Variants in FUS observed in about 807,000 individuals in gnomAD.
FUS encodes the protein FUS RNA binding protein.
In FUS, 5 loss-of-function variants were observed where a neutral mutation model predicts 82.7. The ratio of observed to expected loss-of-function variants is 0.06; its 90% CI spans 0.03 to 0.13. The LOEUF (loss-of-function observed/expected upper bound fraction) is 0.13, where lower values mean the gene tolerates loss of function less well. FUS is among the 10% of genes least tolerant of loss of function. FUS has a pLI of 1.00. For synonymous variants in FUS, 281 were observed against 247.4 expected, an observed-to-expected ratio of 1.14 and a Z score of -1.27; for missense variants, 512 against 707.8, an observed-to-expected ratio of 0.72 and a Z score of 3.14.
At chr16:31,193,779 C>T (rs1438058463), downstream of FUS, 1 of 528,064 alleles carries the variant, frequency 1.9e-6, no homozygotes, top group South Asian at 1.5e-5. Context: ...ACTACAGGTG[C>T]TTCCTCGCTA....
intron 6 of FUS, 133 bp from the exon 7 acceptor site, chr16:31,186,669 G>A: frequency 1.3e-6 from 1 of 783,760 alleles, no homozygotes; most frequent in Non-Finnish European, 2.3e-6. Flanking sequence ...AGGAAGGGAT[G>A]TATTTTAGTA....
At chr16:31,194,236 G>A (rs1425162086), downstream of FUS, 2 of 531,460 alleles carry the variant, frequency 3.8e-6, no homozygotes, top group Non-Finnish European at 7.3e-6. Context: ...GCCCATGTGA[G>A]ACTTGACTCA....
At chr16:31,184,682 A>G (rs1349008756) in intron 5 of FUS, among the ~76,000 whole-genome samples, 1 of 151,600 alleles carries the variant, frequency 6.6e-6, no homozygotes, top group Non-Finnish European at 1.5e-5. Context: ...TGACCTTGTG[A>G]TCCGCCCGCC....
At position 31,188,318 on chromosome 16, in the gene FUS, A is replaced by C; in HGVS notation, c.800-7A>C. On this transcript the variant is annotated splice_region_variant and splice_polypyrimidine_tract_variant and intron_variant, in intron 7 of 14. Coordinates refer to ENST00000254108, the MANE Select transcript of FUS (RefSeq NM_004960.4). ...TTTTTTTGTTCTTTTTTTCCATGTC[A>C]CTAAAGGCCCTCGGGACCAAGGATC... is the stretch of plus-strand genomic sequence containing the variant. 6.2e-7 allele frequency: 1 copy of C among 1,607,534 alleles called. No homozygotes were observed. The highest frequency in any genetic ancestry group is 8.5e-7 in the Non-Finnish European group (1 of 1,178,506).
chr16:31,183,555 C>T, intron 3 of FUS: 1 of 422,902 alleles, frequency 2.4e-6, no homozygotes, highest in South Asian at 2.1e-5. Context: ...ATACTGCACG[C>T]ACAGCTGCAT....
intron 14 of FUS, 83 bp downstream of exon 14, chr16:31,191,193 C>T: frequency 1.9e-6 from 3 of 1,562,202 alleles, no homozygotes; most frequent in Non-Finnish European, 2.6e-6. Context: ...AAAGTGGTTT[C>T]ATTTTGAGGG....
Position 31,185,730 on chromosome 16 carries a change from C to A in FUS, c.764+551C>A, listed in dbSNP as rs1445907807. ...TGACTTGGTTTATGGGGCCAGCTGA[C>A]TGAAGTAAGCAGACCTTTTGGGCAA... On this transcript the variant is annotated intron_variant, in intron 6 of 14. Transcript: ENST00000254108. 1.1e-5 allele frequency: 4 copies of A among 363,082 alleles called. No individual in the cohort carries two copies. In the East Asian group the frequency reaches 2.0e-4, roughly 18 times the overall value. 22.5% of individuals were successfully genotyped at this position (363,082 alleles called of 1,614,324 possible). A position where few individuals can be genotyped will look rare whatever the true frequency, so the allele number is the denominator to read the frequency against.
At chr16:31,186,328 G>C (rs1003601910) in intron 6 of FUS, 1 of 308,586 alleles carries the variant, frequency 3.2e-6, no homozygotes, top group Non-Finnish European at 6.1e-6. Context: ...GTTGCCTTTG[G>C]TTTTGACTTT....
Position 31,190,105 on chromosome 16 carries a change from G to A in FUS, c.1132G>A (p.Gly378Ser), listed in dbSNP as rs1480304192. The A allele has an allele frequency of 6.2e-7, 1 of 1,614,032 alleles. No individual in the cohort carries two copies. The highest frequency in any genetic ancestry group is 1.3e-5 in the African/African-American group (1 of 74,924). ...FATRRADFNR[G>S]GGNGRGGRGR... Reference sequence around the variant, plus strand: ...TACTCGCCGGGCAGACTTTAATCGGGGTGGTGGCAATGGTCGTGGAGGCCG... The same window carrying A: ...TACTCGCCGGGCAGACTTTAATCGGAGTGGTGGCAATGGTCGTGGAGGCCG... Residue 378 changes from glycine (G) to serine (S), a missense_variant, in exon 11 of 15, where the codon GGT becomes AGT. This residue lies in a region of FUS where 63 missense variants were observed against 83.0 expected (regional missense o/e 0.76). Coordinates refer to ENST00000254108, the MANE Select transcript of FUS (RefSeq NM_004960.4).
rs1033887205 is a variant in FUS at position 31,190,610 on chromosome 16, GAAGC to G, written c.1293-127_1293-124del. On this transcript the variant is annotated intron_variant, in intron 12 of 14. Transcript: ENST00000254108. ...TACTGATTTTTGTTCCTGACTCTGA[GAAGC>G]AAGCCGTTTTGTCTTTCTGAAGCTT... is the stretch of plus-strand genomic sequence containing the variant. 153 of 1,170,866 alleles carry G rather than the reference GAAGC, an allele frequency of 1.3e-4. 5 individuals are homozygous for G. In the South Asian group the frequency reaches 1.5e-3, roughly 12 times the overall value. The allele number at this position is 1,170,866 out of a possible 1,614,324, so 72.5% of individuals were successfully genotyped here. A position where few individuals can be genotyped will look rare whatever the true frequency, so the allele number is the denominator to read the frequency against.
intron 1 of FUS, among the ~76,000 whole-genome samples, chr16:31,181,531 CTT>C (rs1026888304): frequency 6.6e-6 from 1 of 152,170 alleles, no homozygotes; most frequent in Non-Finnish European, 1.5e-5. Context: ...TCCAAGGGCT[CTT>C]TTGATTCTCT....
At chr16:31,193,753 C>T (rs890549375), downstream of FUS, 3 of 531,730 alleles carry the variant, frequency 5.6e-6, no homozygotes, top group South Asian at 3.1e-5. Context: ...CCACCTCAGC[C>T]TCCCAAGTAG....
At chr16:31,189,077 T>TTTA (rs1156754031) in intron 8 of FUS, 46 bp from the exon 9 acceptor site, 1 of 1,470,614 alleles carries the variant, frequency 6.8e-7, no homozygotes, top group African/African-American at 1.4e-5. Flanking sequence ...TCCTGTGTTT[T>TTTA]TTATTTTACC....
rs572228309 is a variant in FUS at position 31,190,413 on chromosome 16, A to AT, written c.1292+22dup. On this transcript the variant is annotated intron_variant, in intron 12 of 14. Transcript: ENST00000254108. The stretch of plus-strand genomic sequence containing the variant: ...TGTCCTAATCCGTGAGTGAAACTTA[A>AT]TTTTTTTCTTAGTTCTCTTGCATGC... 1,591 of 1,613,952 alleles carry AT rather than the reference A, an allele frequency of 9.9e-4. 30 individuals carry two copies. In the South Asian group the frequency reaches 0.017, roughly 17 times the overall value.
intron 1 of FUS, chr16:31,182,098 C>T (rs1180349297): frequency 2.4e-6 from 1 of 411,776 alleles, no homozygotes; most frequent in Non-Finnish European, 4.6e-6. Context: ...TCAAGCGATT[C>T]TCCTGCTTCA....
downstream of FUS, chr16:31,192,704 G>T (rs1230952443): frequency 2.1e-6 from 1 of 481,862 alleles, no homozygotes; most frequent in Non-Finnish European, 4.1e-6. Context: ...CTGAGTAGCT[G>T]AGACTACAGG....
At position 31,190,995 on chromosome 16, in the gene FUS, A is replaced by AGAG. The variant is rs762470338; in HGVS notation, c.1431_1433dup (p.Gly478dup). ...CTACGGGGATGATCGTCGTGGTGGCAGAGGAGGCTATGATCGAGGCGGCTA... is the reference window on the plus strand; with the variant it reads ...CTACGGGGATGATCGTCGTGGTGGCAGAGGAGGAGGCTATGATCGAGGCGGCTA... On this transcript the variant is annotated inframe_insertion, in exon 14 of 15. Transcript: ENST00000254108. 1 of 1,613,594 alleles carries AGAG rather than the reference A, an allele frequency of 6.2e-7. No individual in the cohort carries two copies. Among genetic ancestry groups the AGAG allele is most frequent in the Admixed American group, 1.7e-5 (1 of 59,968 alleles).
Position 31,191,499 on chromosome 16 carries a change from T to C in FUS, c.*61T>C, listed in dbSNP as rs1365633707. The C allele has an allele frequency of 1.3e-6, 2 of 1,573,580 alleles. No individual in the cohort carries two copies. Among genetic ancestry groups the C allele is most frequent in the Admixed American group, 3.3e-5 (2 of 59,904 alleles). On this transcript the variant is annotated 3_prime_UTR_variant, in exon 15 of 15. Coordinates refer to ENST00000254108, the MANE Select transcript of FUS (RefSeq NM_004960.4). ...GTCCTGTACCCAGTGTTACCCTCGT[T>C]ATTTTGTAACCTTCCAATTCCTGAT...
At chr16:31,183,449 T>C in intron 3 of FUS, 1 of 200,772 alleles carries the variant, frequency 5.0e-6, no homozygotes, top group Non-Finnish European at 1.0e-5. Context: ...GAGAAAATGG[T>C]TTTGTTTGAA....
Sources: gnomAD v4.1 joint callset for allele counts (sites outside exome capture counted in the v4.1 genomes callset) on GRCh38, gnomAD v4.1.1 for gene constraint, gnomAD v4.1.1 regional missense constraint, MANE v1.5 for transcripts, NCBI Gene and HGNC (gene_info 2026-07-23, HGNC 2026-07-21) for gene names.